Variants in PPARGC1A observed in about 807,000 individuals in gnomAD.
PPARGC1A encodes peroxisome proliferator-activated receptor gamma coactivator 1-alpha.
Under a neutral mutation model 88.7 loss-of-function variants are expected in PPARGC1A, and 25 were observed. The ratio of observed to expected loss-of-function variants is 0.28; its 90% CI spans 0.21 to 0.39. PPARGC1A has a LOEUF of 0.39. Among genes scored for constraint, PPARGC1A ranks in the 10% least tolerant of loss-of-function variants. The probability of loss-of-function intolerance (pLI) is 1.00; values close to 1 mark genes in which losing one functional copy is unlikely to be tolerated. For missense variants in PPARGC1A, 880 were observed against 968.7 expected (o/e 0.91, Z 1.22); for synonymous variants, 363 against 355.6 (o/e 1.02, Z -0.24).
At chr4:23,895,161 A>G (rs1436947194) in intron 1 of PPARGC1A, among the ~76,000 whole-genome samples, 5 of 142,714 alleles carry the variant, frequency 3.5e-5, no homozygotes, top group South Asian at 4.4e-4. Flanking sequence ...GTTTAACTGA[A>G]AAAAAAAAAA....
chr4:24,099,124 T>G, the PPARGC1A span, among the ~76,000 whole-genome samples: 1 of 151,940 alleles, frequency 6.6e-6, no homozygotes, highest in African/African-American at 2.4e-5. Flanking sequence ...CTTTAAAGTT[T>G]CCTTTAAAGA....
At chr4:24,096,952 G>C in the PPARGC1A span, among the ~76,000 whole-genome samples, 1 of 152,152 alleles carries the variant, frequency 6.6e-6, no homozygotes, top group African/African-American at 2.4e-5. Context: ...GGTTAAGCCA[G>C]GCACAGTGAC....
the PPARGC1A span, among the ~76,000 whole-genome samples, chr4:23,914,100 T>C: frequency 6.6e-6 from 1 of 152,204 alleles, no homozygotes; most frequent in Non-Finnish European, 1.5e-5. Flanking sequence ...AAATGAATCT[T>C]TATTGAAGTC....
intron 3 of PPARGC1A, 120 bp downstream of exon 3, chr4:23,831,437 G>T (rs762300920): frequency 1.3e-5 from 11 of 837,600 alleles, no homozygotes; most frequent in Non-Finnish European, 2.0e-5. Flanking sequence ...TGTGCTTGGG[G>T]ATTGCTTTGG....
chr4:24,223,744 T>G, the PPARGC1A span, among the ~76,000 whole-genome samples: 1 of 152,218 alleles, frequency 6.6e-6, no homozygotes, highest in Non-Finnish European at 1.5e-5. Context: ...CTATGGAAGT[T>G]GTACAGAAAC....
chr4:24,005,775 T>C, the PPARGC1A span, among the ~76,000 whole-genome samples: 1 of 151,622 alleles, frequency 6.6e-6, no homozygotes, highest in African/African-American at 2.4e-5. Context: ...CATGTGTTGA[T>C]TGGCAAAAAA....
chr4:24,199,458 G>T, the PPARGC1A span, among the ~76,000 whole-genome samples: 2 of 152,140 alleles, frequency 1.3e-5, no homozygotes, highest in East Asian at 3.9e-4. Context: ...AACCACAAAT[G>T]ACCCTGGGGA....
At chr4:24,417,739 A>G in the PPARGC1A span, among the ~76,000 whole-genome samples, 1 of 152,344 alleles carries the variant, frequency 6.6e-6, no homozygotes, top group South Asian at 2.1e-4. Context: ...TATACATTAT[A>G]TTGAGTTCAG....
the PPARGC1A span, among the ~76,000 whole-genome samples, chr4:24,317,837 T>C: frequency 5.3e-5 from 8 of 152,120 alleles, no homozygotes; most frequent in Non-Finnish European, 1.2e-4. Context: ...CTGGCCTGGT[T>C]TTTTGTTTGG....
the PPARGC1A span, among the ~76,000 whole-genome samples, chr4:24,277,677 C>T: frequency 2.6e-5 from 4 of 152,054 alleles, no homozygotes; most frequent in African/African-American, 9.7e-5. Context: ...AAATAAAATT[C>T]CCTCATTTCA....
At chr4:24,297,784 T>C in the PPARGC1A span, among the ~76,000 whole-genome samples, 1 of 152,166 alleles carries the variant, frequency 6.6e-6, no homozygotes, top group Non-Finnish European at 1.5e-5. Context: ...CCAAAGCTTC[T>C]ACTGGTCCAT....
At chr4:23,828,674 T>G in intron 4 of PPARGC1A, 70 bp from the exon 5 acceptor site, 3 of 1,405,136 alleles carry the variant, frequency 2.1e-6, no homozygotes, top group Non-Finnish European at 3.0e-6. Flanking sequence ...ATAGGTTTTC[T>G]GGAGAGATGG....
chr4:24,224,846 G>C, the PPARGC1A span, among the ~76,000 whole-genome samples: 1 of 152,202 alleles, frequency 6.6e-6, no homozygotes, highest in East Asian at 1.9e-4. Context: ...GTGCTCAGGA[G>C]AGACCTCACT....
the PPARGC1A span, among the ~76,000 whole-genome samples, chr4:24,045,562 G>T: frequency 6.6e-5 from 10 of 152,210 alleles, no homozygotes; most frequent in East Asian, 1.9e-3. Context: ...TCCTTGGTGC[G>T]CTACTTGGCT....
intron 2 of PPARGC1A, among the ~76,000 whole-genome samples, chr4:23,859,806 A>G (rs79300432): frequency 0.014 from 419 of 30,370 alleles, 25 homozygotes; most frequent in South Asian, 0.024. Flanking sequence ...AAAATAAAAT[A>G]AAATAAAATA....
chr4:24,439,863 T>C, the PPARGC1A span, among the ~76,000 whole-genome samples: 21 of 152,340 alleles, frequency 1.4e-4, no homozygotes, highest in Non-Finnish European at 2.2e-4. Context: ...CATGGGAACA[T>C]GACTCAACCC....
the PPARGC1A span, among the ~76,000 whole-genome samples, chr4:24,449,816 G>A: frequency 2.6e-5 from 4 of 152,054 alleles, no homozygotes; most frequent in South Asian, 2.1e-4. Flanking sequence ...AAAAAGAACC[G>A]GATATTACCT....
At chr4:24,313,540 A>G in the PPARGC1A span, among the ~76,000 whole-genome samples, 1 of 152,216 alleles carries the variant, frequency 6.6e-6, no homozygotes, top group Non-Finnish European at 1.5e-5. Context: ...AAGTTTATTC[A>G]GTTTCTATGG....
At chr4:24,161,020 C>T in the PPARGC1A span, among the ~76,000 whole-genome samples, 6 of 152,252 alleles carry the variant, frequency 3.9e-5, no homozygotes, top group Non-Finnish European at 5.9e-5. Context: ...TCTTTCATAG[C>T]TGCTGGCTAT....
Sources: allele counts gnomAD v4.1 joint callset (sites outside exome capture counted in the v4.1 genomes callset), GRCh38; gene constraint gnomAD v4.1.1; transcripts MANE v1.5; gene names NCBI Gene and HGNC (gene_info 2026-07-23, HGNC 2026-07-21).